ATM: variants seen among roughly 807,000 people sequenced by gnomAD.
ATM encodes the protein ATM serine/threonine kinase.
In ATM, 308 loss-of-function variants were observed where a neutral mutation model predicts 387.0. The ratio of observed to expected loss-of-function variants is 0.80; its 90% CI spans 0.73 to 0.87. ATM has a LOEUF of 0.87. ATM is among the 40% of genes least tolerant of loss of function. ATM has a pLI of 0.00. For missense variants in ATM, 3,312 were observed against 3,560.9 expected, an observed-to-expected ratio of 0.93 and a Z score of 1.78; for synonymous variants, 1,156 against 1,187.3, an observed-to-expected ratio of 0.97 and a Z score of 0.54.
intron 26 of ATM, among the ~76,000 whole-genome samples, chr11:108,285,540 T>G (rs939509092): frequency 6.6e-6 from 1 of 152,190 alleles, no homozygotes; most frequent in Non-Finnish European, 1.5e-5. Context: ...ATGTATGTAT[T>G]TATTTATTTT....
At chr11:108,334,249 G>A (rs1407901674) in intron 54 of ATM, among the ~76,000 whole-genome samples, 4 of 152,006 alleles carry the variant, frequency 2.6e-5, no homozygotes, top group South Asian at 2.1e-4. Context: ...GAGAGTTTCC[G>A]TGTGCTTATG....
At chr11:108,282,637 A>G in intron 24 of ATM, 73 bp from the exon 25 acceptor site, 1 of 1,428,328 alleles carries the variant, frequency 7.0e-7, no homozygotes, top group Non-Finnish European at 9.8e-7. Flanking sequence ...CCTACTCTAA[A>G]TAATATTAAC....
chr11:108,261,176 C>T (rs2080857631), intron 16 of ATM, among the ~76,000 whole-genome samples: 1 of 152,248 alleles, frequency 6.6e-6, no homozygotes, highest in African/African-American at 2.4e-5. Flanking sequence ...GGCTCCACCT[C>T]TGGGGGCAGG....
rs2136013971 is a variant in ATM, at chr11:108,310,206, A to G, written c.5809A>G (p.Asn1937Asp). 1 of 1,613,638 alleles carries G rather than the reference A, an allele frequency of 6.2e-7. No individual in the cohort carries two copies. The highest frequency in any genetic ancestry group is 2.2e-5 in the East Asian group (1 of 44,770). The change falls in exon 39 of 63, where the codon AAT (asparagine) becomes GAT (aspartate). Residue 1937 changes from asparagine to aspartate, a missense_variant. Transcript: ENST00000675843. ...IFNDAFWLDL[N>D]YLEVAKVAQS... Reference sequence around the variant, plus strand: ...TAATGATGCTTTCTGGCTGGATTTAAATTATCTAGAAGTTGCCAAGGTAGC... The same window carrying G: ...TAATGATGCTTTCTGGCTGGATTTAGATTATCTAGAAGTTGCCAAGGTAGC...
chr11:108,250,698 TAGGCTAC>T lies in ATM; in HGVS notation c.1236_1242del (p.Trp412Ter). ...TCAAATTATCCTTTTTTTTTTTTTT[TAGGCTAC>T]AGATTGCAACCCAATTAATATCAAA... is the stretch of plus-strand genomic sequence containing the variant. On this transcript the variant is annotated splice_acceptor_variant and coding_sequence_variant, in exon 10 of 63. Transcript: ENST00000675843. LOFTEE classifies it high-confidence loss of function. 1 of 1,601,062 alleles carries T rather than the reference TAGGCTAC, an allele frequency of 6.2e-7. No homozygotes were observed. The highest frequency in any genetic ancestry group is 8.5e-7 in the Non-Finnish European group (1 of 1,177,934).
chr11:108,322,853 C>T lies in ATM; in HGVS notation c.6572+1433C>T, dbSNP rs553516948. ...TCCATTCGGTTTTAGCACTGCATTG[C>T]ATTACTGTCATTTTATCTCTGCCTT... On this transcript the variant is annotated intron_variant, in intron 45 of 62. Transcript: ENST00000675843. Among the ~76,000 whole-genome samples, 41 of 151,480 alleles carry T rather than the reference C, an allele frequency of 2.7e-4. No individual in the cohort carries two copies. The East Asian group carries it at 7.4e-3, about 27-fold the overall frequency.
At position 108,301,692 on chromosome 11, in the gene ATM, T is replaced by C. The variant is rs750896881; in HGVS notation, c.5222T>C (p.Leu1741Ser). Reference sequence around the variant, plus strand: ...GCTGTTACCTGTTTGAAAAACATTTTAGCCACAAAGACTGGACATAGTTTC... The same window carrying C: ...GCTGTTACCTGTTTGAAAAACATTTCAGCCACAAAGACTGGACATAGTTTC... Reference protein sequence around the residue: ...SAAVTCLKNILATKTGHSFWE... With the variant: ...SAAVTCLKNISATKTGHSFWE... The change falls in exon 35 of 63, where the codon TTA (leucine) becomes TCA (serine). Residue 1741 changes from leucine to serine, a missense_variant. By Grantham distance (145) the Leu-to-Ser change is moderately radical. This residue lies in a region of ATM where 1,405 missense variants were observed against 1,604.4 expected (regional missense o/e 0.88). Coordinates refer to ENST00000675843, the MANE Select transcript of ATM (RefSeq NM_000051.4). 2 of 1,613,812 alleles carry C rather than the reference T, an allele frequency of 1.2e-6. No individual in the cohort carries two copies. Among genetic ancestry groups the C allele is most frequent in the Non-Finnish European group, 8.5e-7 (1 of 1,179,790 alleles).
intron 19 of ATM, 39 bp from the exon 20 acceptor site, chr11:108,271,212 A>T (rs2135550387): frequency 6.2e-7 from 1 of 1,613,072 alleles, no homozygotes; most frequent in Non-Finnish European, 8.5e-7. Context: ...TGTTCTGTTA[A>T]GCTTATAAAG....
intron 16 of ATM, among the ~76,000 whole-genome samples, chr11:108,262,267 A>G (rs1300375523): frequency 5.9e-5 from 9 of 152,264 alleles, no homozygotes; most frequent in African/African-American, 2.2e-4. Context: ...GAAGCACATC[A>G]GACTAACAGC....
At chr11:108,317,652 T>TATATATATATACACACACACACACAC (rs1399501257) in intron 43 of ATM, 131 bp downstream of exon 43, 1 of 117,468 alleles carries the variant, frequency 8.5e-6, no homozygotes, top group African/African-American at 5.1e-5. Context: ...TATATATATA[T>TATATATATATACACACACACACACAC]ACACACACAC....
In ATM at chr11:108,321,410, C is replaced by A. The variant is rs1060501682; in HGVS notation, c.6562C>A (p.Leu2188Ile). ...TGGAGAGCTGGAAAGCATTGGGGAGCTTTTCTCAAGGTATGTAATTCGTAT... is the reference window on the plus strand; with the variant it reads ...TGGAGAGCTGGAAAGCATTGGGGAGATTTTCTCAAGGTATGTAATTCGTAT... ...AIGELESIGE[L>I]FSRSVTHRQL... Residue 2188 changes from leucine to isoleucine, a missense_variant, in exon 45 of 63, where the codon CTT becomes ATT. Physicochemically the swap from Leu to Ile is conservative, Grantham distance 5. This residue lies in a region of ATM where 1,405 missense variants were observed against 1,604.4 expected (regional missense o/e 0.88). Coordinates refer to ENST00000675843, the MANE Select transcript of ATM (RefSeq NM_000051.4). 5 of 1,614,066 alleles carry A rather than the reference C, an allele frequency of 3.1e-6. No homozygotes were observed. Among genetic ancestry groups the A allele is most frequent in the Non-Finnish European group, 2.5e-6 (3 of 1,179,988 alleles).
rs2083040595 is a variant in ATM at position 108,295,000 on chromosome 11, T to C, written c.4850T>C (p.Leu1617Pro). Residue 1617 changes from leucine (L) to proline (P), a missense_variant, in exon 32 of 63, where the codon CTT becomes CCT. By Grantham distance (98) the Leu-to-Pro change is moderately conservative (BLOSUM62 -3). Coordinates refer to ENST00000675843, the MANE Select transcript of ATM (RefSeq NM_000051.4). ...ACAAGACTTGAAGGACTAAAGGATC[T>C]TCGAAGACAACTGGAACTACATAAA... is the stretch of plus-strand genomic sequence containing the variant. ...PLTRLEGLKD[L>P]RRQLELHKDQ... 6.2e-7 allele frequency: 1 copy of C among 1,614,018 alleles called. No individual in the cohort carries two copies. The highest frequency in any genetic ancestry group is 8.5e-7 in the Non-Finnish European group (1 of 1,179,926).
intron 45 of ATM, 54 bp downstream of exon 45, chr11:108,321,474 T>C: frequency 1.2e-6 from 2 of 1,612,122 alleles, no homozygotes; most frequent in South Asian, 2.2e-5. Context: ...CTGTTACCAA[T>C]AGTGACTTTA....
chr11:108,235,668 A>T lies in ATM; in HGVS notation c.332-2A>T, dbSNP rs1340448764. The T allele has an allele frequency of 6.2e-7, 1 of 1,602,850 alleles. No individual in the cohort carries two copies. Among genetic ancestry groups the T allele is most frequent in the Non-Finnish European group, 8.5e-7 (1 of 1,170,964 alleles). ...TTTCTTTATTTGTTTATTTTGAAAT[A>T]GGAGCACCTAGGCTAAAATGTCAAG... On this transcript the variant is annotated splice_acceptor_variant, in intron 4 of 62. Transcript: ENST00000675843. LOFTEE classifies it high-confidence loss of function.
chr11:108,241,724 TTCTG>T (rs1315008533), intron 5 of ATM, among the ~76,000 whole-genome samples: 4 of 148,480 alleles, frequency 2.7e-5, no homozygotes, highest in African/African-American at 7.4e-5. Flanking sequence ...CTTTCTTTCT[TTCTG>T]TCTTTCTTTC....
At chr11:108,359,156 A>G (rs2090403065) in intron 61 of ATM, among the ~76,000 whole-genome samples, 1 of 151,254 alleles carries the variant, frequency 6.6e-6, no homozygotes, top group Non-Finnish European at 1.5e-5. Flanking sequence ...CTAGTCTCTG[A>G]TAAAACAGAC....
intron 15 of ATM, among the ~76,000 whole-genome samples, chr11:108,257,843 G>C (rs537149031): frequency 1.3e-4 from 20 of 152,192 alleles, no homozygotes; most frequent in Non-Finnish European, 2.8e-4. Context: ...TGGTGTTACT[G>C]TTTTGGTGTC....
intron 22 of ATM, among the ~76,000 whole-genome samples, chr11:108,274,953 A>C (rs543592341): frequency 6.6e-6 from 1 of 152,266 alleles, no homozygotes; most frequent in South Asian, 2.1e-4. Flanking sequence ...GATCTGTCTA[A>C]TATTGATGGT....
intron 61 of ATM, among the ~76,000 whole-genome samples, chr11:108,356,529 T>A: frequency 7.1e-6 from 1 of 141,676 alleles, no homozygotes; most frequent in Admixed American, 7.3e-5. Flanking sequence ...AGAGCAAGAC[T>A]CTGTCTGTCT....
Sources: gnomAD v4.1 joint callset for allele counts (sites outside exome capture counted in the v4.1 genomes callset) on GRCh38, gnomAD v4.1.1 for gene constraint, gnomAD v4.1.1 regional missense constraint, MANE v1.5 for transcripts, NCBI Gene and HGNC (gene_info 2026-07-23, HGNC 2026-07-21) for gene names.